SOX5: variants seen among roughly 807,000 people sequenced by gnomAD.
SOX5 encodes transcription factor SOX-5.
SOX5 carries 9 observed loss-of-function variants against 92.0 expected under a neutral mutation model. The ratio of observed to expected loss-of-function variants is 0.10; its 90% confidence interval spans 0.06 to 0.17. The LOEUF (loss-of-function observed/expected upper bound fraction) is 0.17. Among genes scored for constraint, SOX5 ranks in the 10% least tolerant of loss-of-function variants. SOX5 has a pLI of 1.00. For synonymous variants in SOX5, 344 were observed against 336.3 expected, an observed-to-expected ratio of 1.02 and a Z score of -0.25; for missense variants, 642 against 944.5, an observed-to-expected ratio of 0.68 and a Z score of 4.20.
intron 9 of SOX5, chr12:23,584,477 A>G: frequency 9.0e-7 from 1 of 1,108,958 alleles, no homozygotes; most frequent in Non-Finnish European, 1.4e-6. Context: ...AGAAAGCATC[A>G]TTATGCATAA....
At chr12:24,362,926 G>A (rs1051089377) in intron 2 of SOX5, among the ~76,000 whole-genome samples, 2 of 149,644 alleles carry the variant, frequency 1.3e-5, no homozygotes, top group Non-Finnish European at 3.0e-5. Flanking sequence ...ATAATAAAGT[G>A]TCTTGATCCA....
At chr12:24,110,045 T>G (rs10842275) in intron 4 of SOX5, among the ~76,000 whole-genome samples, 52,567 of 152,070 alleles carry the variant, frequency 0.35, 10,108 homozygotes, top group East Asian at 0.57. Flanking sequence ...ATAGCAATGA[T>G]GTTCACACTT....
intron 4 of SOX5, among the ~76,000 whole-genome samples, chr12:24,106,516 C>T (rs574461889): frequency 9.2e-5 from 14 of 152,146 alleles, no homozygotes; most frequent in South Asian, 8.3e-4. Flanking sequence ...AGAAGCCAGG[C>T]GTGGTGACTC....
chr12:24,133,044 AT>A (rs1327813079), intron 4 of SOX5, among the ~76,000 whole-genome samples: 1 of 152,220 alleles, frequency 6.6e-6, no homozygotes, highest in Non-Finnish European at 1.5e-5. Flanking sequence ...AATTCTACAC[AT>A]TTTAATAGTT....
intron 4 of SOX5, among the ~76,000 whole-genome samples, chr12:23,966,562 T>A (rs1947607723): frequency 6.6e-6 from 1 of 152,160 alleles, no homozygotes; most frequent in Admixed American, 6.5e-5. Flanking sequence ...TTTATATACA[T>A]ACCAGCCAGG....
intron 4 of SOX5, among the ~76,000 whole-genome samples, chr12:24,172,371 T>C: frequency 6.6e-6 from 1 of 151,700 alleles, no homozygotes; most frequent in African/African-American, 2.4e-5. Flanking sequence ...ACCCTGTCTC[T>C]CCAAAAAAAC....
chr12:23,926,496 G>C (rs1056918737), intron 1 of SOX5, among the ~76,000 whole-genome samples: 1 of 151,228 alleles, frequency 6.6e-6, no homozygotes, highest in African/African-American at 2.4e-5. Flanking sequence ...TGAACTTATG[G>C]ATTATGTTTA....
intron 13 of SOX5, among the ~76,000 whole-genome samples, chr12:23,542,249 GTTAC>G (rs981982746): frequency 3.3e-5 from 5 of 152,144 alleles, no homozygotes; most frequent in African/African-American, 9.7e-5. Flanking sequence ...GACAAATTTT[GTTAC>G]TTATTTGTTA....
rs73058423 is a variant in SOX5, at chr12:24,205,494, C to T, written c.-2+7849G>A. Reference sequence around the variant, plus strand: ...GGCTTGACAAAGATGACAAATAACTCGTCTAAGGTGATAGATCATGATAAA... The same window carrying T: ...GGCTTGACAAAGATGACAAATAACTTGTCTAAGGTGATAGATCATGATAAA... On this transcript the variant is annotated intron_variant, in intron 4 of 4. Transcript: ENST00000446891. 2.8e-3 allele frequency among the ~76,000 whole-genome samples: 427 copies of T among 152,204 alleles called. 1 individual carries two copies. Among genetic ancestry groups the T allele is most frequent in the Middle Eastern group, 6.8e-3 (2 of 294 alleles).
intron 1 of SOX5, among the ~76,000 whole-genome samples, chr12:24,520,406 C>T (rs960900756): frequency 1.3e-5 from 2 of 151,742 alleles, no homozygotes; most frequent in Admixed American, 6.6e-5. Context: ...ATGCTATCAA[C>T]TTAAAATGGA....
At chr12:23,638,376 ATT>A (rs939317894) in intron 8 of SOX5, 2 of 152,328 alleles carry the variant, frequency 1.3e-5, no homozygotes, top group African/African-American at 4.8e-5. Flanking sequence ...GCAGGACTGA[ATT>A]TTAATAACTG....
intron 3 of SOX5, among the ~76,000 whole-genome samples, chr12:24,226,013 A>C (rs765013033): frequency 6.6e-6 from 1 of 152,186 alleles, no homozygotes; most frequent in Non-Finnish European, 1.5e-5. Context: ...TCAATCTCTT[A>C]AGTGCTTCCC....
At chr12:24,029,718 C>A (rs893370478) in intron 4 of SOX5, among the ~76,000 whole-genome samples, 1 of 151,828 alleles carries the variant, frequency 6.6e-6, no homozygotes, top group Non-Finnish European at 1.5e-5. Flanking sequence ...ACTTTTAAGT[C>A]CTTATGCTCT....
chr12:23,991,814 T>C (rs563556633), intron 4 of SOX5, among the ~76,000 whole-genome samples: 2 of 151,954 alleles, frequency 1.3e-5, no homozygotes, highest in South Asian at 4.2e-4. Flanking sequence ...ACAAATTATA[T>C]AGACCAAATT....
intron 9 of SOX5, among the ~76,000 whole-genome samples, chr12:23,600,238 C>T (rs890353442): frequency 1.3e-5 from 2 of 152,014 alleles, no homozygotes; most frequent in Non-Finnish European, 2.9e-5. Flanking sequence ...TACTTTCACT[C>T]AGACTTATTT....
chr12:23,876,284 TAAAC>T (rs1240266240), intron 2 of SOX5, among the ~76,000 whole-genome samples: 4 of 151,606 alleles, frequency 2.6e-5, no homozygotes, highest in African/African-American at 7.3e-5. Context: ...TTACAAGAAA[TAAAC>T]AAACAACCCC....
chr12:24,397,408 A>C (rs1960321574), intron 1 of SOX5, among the ~76,000 whole-genome samples: 2 of 152,350 alleles, frequency 1.3e-5, no homozygotes, highest in South Asian at 4.1e-4. Context: ...CAATTTACAG[A>C]TAGTATTTAA....
intron 6 of SOX5, among the ~76,000 whole-genome samples, chr12:23,685,967 T>C (rs2087490346): frequency 6.6e-6 from 1 of 152,154 alleles, no homozygotes; most frequent in African/African-American, 2.4e-5. Flanking sequence ...GTCTCCTAAA[T>C]AAAAATTCAA....
chr12:23,788,521 T>C (rs1166452489), intron 3 of SOX5, among the ~76,000 whole-genome samples: 1 of 151,706 alleles, frequency 6.6e-6, no homozygotes, highest in African/African-American at 2.4e-5. Context: ...TACGAGGTAA[T>C]GTCAAAGCAC....
Sources: gnomAD v4.1 joint callset for allele counts (sites outside exome capture counted in the v4.1 genomes callset) on GRCh38, gnomAD v4.1.1 for gene constraint, MANE v1.5 for transcripts, NCBI Gene and HGNC (gene_info 2026-07-23, HGNC 2026-07-21) for gene names.